SNX29: variants seen among roughly 807,000 people sequenced by gnomAD.
SNX29 encodes sorting nexin-29.
A neutral mutation model predicts 102.1 loss-of-function variants in SNX29; 78 were observed. The observed-to-expected ratio is 0.76, with a 90% confidence interval of 0.64 to 0.92. The LOEUF is 0.92. SNX29 is among the 40% of genes least tolerant of loss of function. The pLI is 0.00. For synonymous variants in SNX29, 580 were observed against 414.5 expected (o/e 1.40, Z -4.85); for missense variants, 1,280 against 1,061.7 (o/e 1.21, Z -2.86).
In SNX29 at chr16:12,574,258, G is replaced by A. The variant is rs1598147867; in HGVS notation, c.*5629G>A. The A allele has an allele frequency of 5.7e-6, 1 of 175,408 alleles. No individual in the cohort carries two copies. The highest frequency in any genetic ancestry group is 2.0e-4 in the South Asian group (1 of 5,028). The allele number at this position is 175,408 out of a possible 1,614,324, so 10.9% of individuals were successfully genotyped here. On this transcript the variant is annotated 3_prime_UTR_variant, in exon 21 of 21. Coordinates refer to ENST00000566228, the MANE Select transcript of SNX29 (RefSeq NM_032167.5). ...CAACCTCTTTACAATGACACAAATT[G>A]TGACATTTTATAAATTAGATACTTC...
intron 16 of SNX29, among the ~76,000 whole-genome samples, chr16:12,398,035 G>T (rs895965684): frequency 6.6e-6 from 1 of 152,168 alleles, no homozygotes; most frequent in African/African-American, 2.4e-5. Flanking sequence ...GGTGACATTG[G>T]CCTTTTGTGT....
At chr16:12,109,779 G>A (rs1207565831) in intron 11 of SNX29, among the ~76,000 whole-genome samples, 2 of 151,770 alleles carry the variant, frequency 1.3e-5, no homozygotes, top group East Asian at 3.9e-4. Context: ...CACCCAGGCT[G>A]GAGTGCAGTG....
intron 18 of SNX29, among the ~76,000 whole-genome samples, chr16:12,467,655 C>CATTCATTCATT (rs75996327): frequency 1.6e-4 from 23 of 143,552 alleles, no homozygotes; most frequent in African/African-American, 4.5e-4. Context: ...TTCATTCATT[C>CATTCATTCATT]CATTCACTCA....
chr16:12,565,667 G>T (rs560656501), intron 20 of SNX29, among the ~76,000 whole-genome samples: 1 of 152,160 alleles, frequency 6.6e-6, no homozygotes, highest in Admixed American at 6.5e-5. Flanking sequence ...CTCAGTGCAC[G>T]TCCCGAGCTA....
At chr16:12,561,496 C>G (rs183910420) in intron 20 of SNX29, among the ~76,000 whole-genome samples, 1 of 152,310 alleles carries the variant, frequency 6.6e-6, no homozygotes, top group Non-Finnish European at 1.5e-5. Flanking sequence ...TCGCCAGACC[C>G]AGATCACAGG....
chr16:12,313,438 C>T (rs1342027704), intron 15 of SNX29, among the ~76,000 whole-genome samples: 1 of 152,190 alleles, frequency 6.6e-6, no homozygotes, highest in Non-Finnish European at 1.5e-5. Flanking sequence ...ACCCCAGGGC[C>T]TTTATACCTG....
Position 12,065,660 on chromosome 16 carries a change from T to C in SNX29, c.1244-3397T>C, listed in dbSNP as rs906740. ...AGCACTTAGCTCTTAGTGGGCAGTTTTACTGTTTTGGTTGTCAGTGTTGCG... is the reference window on the plus strand; with the variant it reads ...AGCACTTAGCTCTTAGTGGGCAGTTCTACTGTTTTGGTTGTCAGTGTTGCG... On this transcript the variant is annotated intron_variant, in intron 9 of 20. Coordinates refer to ENST00000566228, the MANE Select transcript of SNX29 (RefSeq NM_032167.5). Among the ~76,000 whole-genome samples the C allele has an allele frequency of 7.3e-3, 1,116 of 152,298 alleles. 6 individuals are homozygous for C. The highest frequency in any genetic ancestry group is 0.026 in the African/African-American group (1,068 of 41,554).
chr16:12,561,764 C>G (rs1024368617), intron 20 of SNX29, among the ~76,000 whole-genome samples: 4 of 152,074 alleles, frequency 2.6e-5, no homozygotes, highest in Admixed American at 6.5e-5. Flanking sequence ...GAAATGAACA[C>G]CAAAGCACAT....
intron 4 of SNX29, among the ~76,000 whole-genome samples, chr16:12,032,686 C>G (rs1377389044): frequency 6.6e-6 from 1 of 151,752 alleles, no homozygotes; most frequent in Non-Finnish European, 1.5e-5. Context: ...GGGCATACAC[C>G]CAGAAGGACA....
chr16:12,054,511 A>G (rs1009935237), intron 8 of SNX29, among the ~76,000 whole-genome samples: 1 of 152,244 alleles, frequency 6.6e-6, no homozygotes, highest in African/African-American at 2.4e-5. Flanking sequence ...GAACAGAACA[A>G]CAAGTGAAGG....
chr16:12,107,671 G>C (rs2053321345), intron 11 of SNX29, among the ~76,000 whole-genome samples: 1 of 152,066 alleles, frequency 6.6e-6, no homozygotes, highest in South Asian at 2.1e-4. Flanking sequence ...AAGAGGAGTT[G>C]CTGGTTATGT....
chr16:12,257,276 G>T lies in SNX29; in HGVS notation c.1679-20657G>T, dbSNP rs147079625. On this transcript the variant is annotated intron_variant, in intron 14 of 20. Coordinates refer to ENST00000566228, the MANE Select transcript of SNX29 (RefSeq NM_032167.5). ...CCTGTTCTCCTGCTTCTCCTCTGTG[G>T]TTGTCTTCTGCCATCCCTCTCTTCT... Among the ~76,000 whole-genome samples the T allele has an allele frequency of 2.5e-3, 377 of 152,232 alleles. 5 individuals carry two copies. Among genetic ancestry groups the T allele is most frequent in the African/African-American group, 8.3e-3 (345 of 41,550 alleles).
At chr16:12,248,375 T>G (rs80270904) in intron 14 of SNX29, among the ~76,000 whole-genome samples, 2,651 of 150,700 alleles carry the variant, frequency 0.018, 79 homozygotes, top group African/African-American at 0.062. Context: ...TCTCTTCCTC[T>G]CCCCATCCAG....
At position 11,998,049 on chromosome 16, in the gene SNX29, G is replaced by A. The variant is rs182284894; in HGVS notation, c.8-1248G>A. 2.8e-3 allele frequency among the ~76,000 whole-genome samples: 420 copies of A among 152,278 alleles called. 3 individuals are homozygous for A. The highest frequency in any genetic ancestry group is 3.9e-3 in the Non-Finnish European group (266 of 68,006). ...GCATGTAGGATGCGCCCAGCACACG[G>A]TGGTGGTTGTTATCAACCAGCTGGC... On this transcript the variant is annotated intron_variant, in intron 1 of 20. Coordinates refer to ENST00000566228, the MANE Select transcript of SNX29 (RefSeq NM_032167.5).
intron 20 of SNX29, among the ~76,000 whole-genome samples, chr16:12,547,154 T>G (rs1158396587): frequency 2.0e-5 from 3 of 152,200 alleles, no homozygotes; most frequent in African/African-American, 7.2e-5. Flanking sequence ...AGAAGCCTGC[T>G]GGGGATGTGC....
chr16:12,539,213 G>A (rs151094121), intron 20 of SNX29, among the ~76,000 whole-genome samples: 1,554 of 152,218 alleles, frequency 0.01, 13 homozygotes, highest in Non-Finnish European at 0.015. Context: ...CACCATCACC[G>A]TCAAGATATA....
At chr16:12,501,369 A>C (rs1225648493) in intron 19 of SNX29, among the ~76,000 whole-genome samples, 3 of 152,042 alleles carry the variant, frequency 2.0e-5, no homozygotes, top group African/African-American at 7.2e-5. Flanking sequence ...GCACCACTAC[A>C]CTCCAGCCTG....
In SNX29 at chr16:12,572,292, C is replaced by A; in HGVS notation, c.*3663C>A. Reference sequence around the variant, plus strand: ...TGATGCAACTAACAAGTACTGGGGCCAGTGATCACAATCCAGGTTGGAAAC... The same window carrying A: ...TGATGCAACTAACAAGTACTGGGGCAAGTGATCACAATCCAGGTTGGAAAC... On this transcript the variant is annotated 3_prime_UTR_variant, in exon 21 of 21. Transcript: ENST00000566228. 7.0e-6 allele frequency: 7 copies of A among 1,002,668 alleles called. No individual in the cohort carries two copies. The highest frequency in any genetic ancestry group is 8.2e-6 in the Non-Finnish European group (7 of 856,572). 62.1% of individuals were successfully genotyped at this position (1,002,668 alleles called of 1,614,324 possible). A position where few individuals can be genotyped will look rare whatever the true frequency, so the allele number is the denominator to read the frequency against.
intron 14 of SNX29, among the ~76,000 whole-genome samples, chr16:12,204,654 A>C (rs180766671): frequency 2.6e-5 from 4 of 152,374 alleles, no homozygotes; most frequent in Non-Finnish European, 1.5e-5. Flanking sequence ...ACTGAGTGGG[A>C]GGAACTTGAC....
Sources: allele counts gnomAD v4.1 joint callset (sites outside exome capture counted in the v4.1 genomes callset), GRCh38; gene constraint gnomAD v4.1.1; transcripts MANE v1.5; gene names NCBI Gene and HGNC (gene_info 2026-07-23, HGNC 2026-07-21).